The following COL22A1 variants were observed in gnomAD, a reference collection of about 807,000 sequenced individuals.
COL22A1 encodes the protein collagen alpha-1(XXII) chain.
In COL22A1, 221 loss-of-function variants were observed where a neutral mutation model predicts 248.9. The ratio of observed to expected loss-of-function variants is 0.89; its 90% CI spans 0.80 to 0.99. The LOEUF is 0.99. Among genes scored for constraint, COL22A1 ranks in the 50% least tolerant of loss-of-function variants. The pLI is 0.00. For missense variants in COL22A1, 2,240 were observed against 2,179.0 expected, an observed-to-expected ratio of 1.03 and a Z score of -0.56; for synonymous variants, 891 against 793.4, an observed-to-expected ratio of 1.12 and a Z score of -2.07.
intron 52 of COL22A1, among the ~76,000 whole-genome samples, chr8:138,622,619 C>G (rs1306605022): frequency 6.6e-6 from 1 of 152,158 alleles, no homozygotes; most frequent in East Asian, 1.9e-4. Flanking sequence ...TGGACAGGAA[C>G]TACTTTTATG....
chr8:138,805,962 A>AATGG (rs2131656653), intron 10 of COL22A1, among the ~76,000 whole-genome samples: 1 of 86,708 alleles, frequency 1.2e-5, no homozygotes, highest in Admixed American at 1.3e-4. Flanking sequence ...TATGGTGTGT[A>AATGG]TGTGTGATAG....
rs889083896 is a variant in COL22A1, at chr8:138,801,112, C to T, written c.1557+1760G>A. Among the ~76,000 whole-genome samples, 51 of 152,150 alleles carry T rather than the reference C, an allele frequency of 3.4e-4. 1 individual carries two copies. The highest frequency in any genetic ancestry group is 3.3e-3 in the Admixed American group (51 of 15,280). Reference sequence around the variant, plus strand: ...CTCCTTATTTCCATGTCTTTCTGCACACAACAGGTGCTTCCTACCTACACA... The same window carrying T: ...CTCCTTATTTCCATGTCTTTCTGCATACAACAGGTGCTTCCTACCTACACA... On this transcript the variant is annotated intron_variant, in intron 11 of 64. Transcript: ENST00000303045.
intron 47 of COL22A1, among the ~76,000 whole-genome samples, chr8:138,644,272 T>C (rs1249849340): frequency 6.6e-6 from 1 of 152,194 alleles, no homozygotes; most frequent in East Asian, 1.9e-4. Flanking sequence ...CATGAAATGA[T>C]TGCATTACTT....
At chr8:138,781,027 C>A (rs769098937) in intron 12 of COL22A1, 47 bp from the exon 13 acceptor site, 12 of 1,365,726 alleles carry the variant, frequency 8.8e-6, no homozygotes, top group Non-Finnish European at 1.2e-5. Context: ...ATAACTGAGA[C>A]AGGCTCTCAG....
intron 22 of COL22A1, among the ~76,000 whole-genome samples, chr8:138,738,711 T>C (rs1831318424): frequency 6.6e-6 from 1 of 152,206 alleles, no homozygotes; most frequent in Non-Finnish European, 1.5e-5. Flanking sequence ...ACTTGAAGCC[T>C]GTACCAATAT....
intron 7 of COL22A1, among the ~76,000 whole-genome samples, chr8:138,818,277 T>G (rs1302319515): frequency 2.0e-5 from 3 of 151,972 alleles, no homozygotes; most frequent in African/African-American, 7.2e-5. Context: ...AGAGCCAGAG[T>G]CCTAGCCTGG....
rs10107255 is a variant in COL22A1, at chr8:138,776,313, C to A, written c.1759-303G>T. On this transcript the variant is annotated intron_variant, in intron 15 of 64. Transcript: ENST00000303045. The stretch of plus-strand genomic sequence containing the variant: ...GGGACATAGCCCGGCTCCTGAACTC[C>A]AGTGGCCAAGGACAGAAATGTGGCT... Among the ~76,000 whole-genome samples the A allele has an allele frequency of 0.14, 20,802 of 152,134 alleles. 3,810 individuals are homozygous for A. Among genetic ancestry groups the A allele is most frequent in the African/African-American group, 0.42 (17,398 of 41,412 alleles).
intron 10 of COL22A1, among the ~76,000 whole-genome samples, chr8:138,806,053 A>G (rs1391072466): frequency 0.017 from 65 of 3,812 alleles, no homozygotes; most frequent in South Asian, 0.032. Context: ...GGTGTAGGTA[A>G]TGGTGTGTGG....
chr8:138,818,951 G>T (rs1818887449), intron 7 of COL22A1, among the ~76,000 whole-genome samples: 1 of 152,136 alleles, frequency 6.6e-6, no homozygotes, highest in Admixed American at 6.5e-5. Flanking sequence ...TGTGTGACGT[G>T]GGCGATGGTG....
At chr8:138,612,481 G>C (rs773611468) in intron 56 of COL22A1, among the ~76,000 whole-genome samples, 2 of 151,998 alleles carry the variant, frequency 1.3e-5, no homozygotes, top group Non-Finnish European at 2.9e-5. Flanking sequence ...GGGTTCAATT[G>C]TGCCCCCCCC....
chr8:138,644,110 C>A (rs1311412277), intron 47 of COL22A1, among the ~76,000 whole-genome samples: 1 of 152,048 alleles, frequency 6.6e-6, no homozygotes, highest in Non-Finnish European at 1.5e-5. Flanking sequence ...AAGCCAAAGT[C>A]AATCTAAAAT....
At chr8:138,657,189 C>A (rs546536650) in intron 44 of COL22A1, among the ~76,000 whole-genome samples, 1 of 152,204 alleles carries the variant, frequency 6.6e-6, no homozygotes, top group African/African-American at 2.4e-5. Flanking sequence ...TAGGATGCAG[C>A]GGCTAAAGCC....
At chr8:138,634,746 G>A (rs1402730821) in intron 49 of COL22A1, among the ~76,000 whole-genome samples, 1 of 152,088 alleles carries the variant, frequency 6.6e-6, no homozygotes, top group Admixed American at 6.6e-5. Context: ...TTTGAAAAAA[G>A]AAGAAGTCTG....
At position 138,604,744 on chromosome 8, in the gene COL22A1, G is replaced by T. The variant is rs1818294604; in HGVS notation, c.4130C>A (p.Pro1377Gln). The T allele has an allele frequency of 6.2e-7, 1 of 1,612,936 alleles. No homozygotes were observed. Among genetic ancestry groups the T allele is most frequent in the Non-Finnish European group, 8.5e-7 (1 of 1,179,500 alleles). The change falls in exon 59 of 65, where the codon CCA (proline) becomes CAA (glutamine). Residue 1377 changes from proline to glutamine, a missense_variant. Physicochemically the swap from Pro to Gln is moderately conservative, Grantham distance 76 (BLOSUM62 -1). Transcript: ENST00000303045. ...GCGTGTGATACTTGCCTCCTTGCCT[G>T]GGACTCCTTTCTCTCCTGGTTCTCC... ...PPGEPGEKGVPGKEGVPGKPG... is the reference protein window; with the variant it reads ...PPGEPGEKGVQGKEGVPGKPG...
chr8:138,693,723 C>T (rs538463153), intron 34 of COL22A1, 24 bp from the exon 35 acceptor site: 25 of 1,557,840 alleles, frequency 1.6e-5, no homozygotes, highest in South Asian at 7.1e-5. Flanking sequence ...AAAAGAGGGG[C>T]GGGGGTAAGA....
At chr8:138,855,385 T>C (rs1487577312) in intron 3 of COL22A1, among the ~76,000 whole-genome samples, 4 of 152,196 alleles carry the variant, frequency 2.6e-5, no homozygotes, top group African/African-American at 4.8e-5. Flanking sequence ...AGAGCCAGCA[T>C]TTGATCCCAA....
At position 138,755,498 on chromosome 8, in the gene COL22A1, C is replaced by T. The variant is rs1241962908; in HGVS notation, c.1961G>A (p.Gly654Asp). ...GVPGSVVQQEGLKGEQGAPGP... is the reference protein window; with the variant it reads ...GVPGSVVQQEDLKGEQGAPGP... ...GCCTCTTACCTGTTCCCCTTTCAAGCCCTCTTGCTGCACCTGAGAGACAAA... is the reference window on the plus strand; with the variant it reads ...GCCTCTTACCTGTTCCCCTTTCAAGTCCTCTTGCTGCACCTGAGAGACAAA... The change falls in exon 20 of 65, where the codon GGC becomes GAC. Residue 654 changes from glycine to aspartate, a missense_variant. By Grantham distance (94) the Gly-to-Asp change is moderately conservative. Transcript: ENST00000303045. 3 of 1,613,968 alleles carry T rather than the reference C, an allele frequency of 1.9e-6. No individual in the cohort carries two copies.
intron 41 of COL22A1, among the ~76,000 whole-genome samples, chr8:138,671,211 T>C (rs1048948687): frequency 1.3e-5 from 2 of 152,264 alleles, no homozygotes; most frequent in African/African-American, 2.4e-5. Flanking sequence ...ATGTCATGAA[T>C]GCATAAAATA....
chr8:138,734,079 A>C (rs1256255435), intron 23 of COL22A1, among the ~76,000 whole-genome samples: 1 of 152,086 alleles, frequency 6.6e-6, no homozygotes, highest in African/African-American at 2.4e-5. Flanking sequence ...GCTCCTGCCC[A>C]AGTTTGCCTT....
Sources: gnomAD v4.1 joint callset for allele counts (sites outside exome capture counted in the v4.1 genomes callset) on GRCh38, gnomAD v4.1.1 for gene constraint, MANE v1.5 for transcripts, NCBI Gene and HGNC (gene_info 2026-07-23, HGNC 2026-07-21) for gene names.